The following CEP112 variants were observed in gnomAD, a reference collection of about 807,000 sequenced individuals.
CEP112 encodes centrosomal protein of 112 kDa.
In CEP112, 127 loss-of-function variants were observed where a neutral mutation model predicts 153.0. The ratio of observed to expected loss-of-function variants is 0.83; its 90% CI spans 0.72 to 0.96. The LOEUF is 0.96. Among genes scored for constraint, CEP112 ranks in the 40% least tolerant of loss-of-function variants. CEP112 has a pLI of 0.00. For missense variants in CEP112, 1,089 were observed against 1,101.2 expected (o/e 0.99, Z 0.16); for synonymous variants, 358 against 374.4 (o/e 0.96, Z 0.51).
chr17:65,794,772 G>A (rs903837215), intron 21 of CEP112, among the ~76,000 whole-genome samples: 6 of 152,082 alleles, frequency 3.9e-5, no homozygotes, highest in African/African-American at 1.2e-4. Context: ...GTCAGGAATC[G>A]CACCTGCGGC....
chr17:66,027,416 G>T, intron 16 of CEP112, 85 bp downstream of exon 16: 2 of 1,179,870 alleles, frequency 1.7e-6, no homozygotes, highest in South Asian at 3.2e-5. Context: ...TTAAAGGTGA[G>T]AATGTATGGT....
At position 66,116,797 on chromosome 17, in the gene CEP112, T is replaced by C. The variant is rs562240026; in HGVS notation, c.642+12949A>G. The stretch of plus-strand genomic sequence containing the variant: ...TTTGTTCTGGAACCATACTTTTTAT[T>C]CACTTTTAGAAACTGCCATACCATT... On this transcript the variant is annotated intron_variant, in intron 6 of 26. Coordinates refer to ENST00000535342, the MANE Select transcript of CEP112 (RefSeq NM_001199165.4). Among the ~76,000 whole-genome samples the C allele has an allele frequency of 7.9e-5, 12 of 152,104 alleles. No individual in the cohort carries two copies. In the South Asian group the frequency reaches 1.2e-3, roughly 16 times the overall value.
intron 24 of CEP112, among the ~76,000 whole-genome samples, chr17:65,650,928 T>A (rs577147120): frequency 1.3e-5 from 2 of 151,878 alleles, no homozygotes; most frequent in Non-Finnish European, 1.5e-5. Flanking sequence ...ATATATTTTT[T>A]ATGTATATAT....
intron 24 of CEP112, among the ~76,000 whole-genome samples, chr17:65,681,698 G>A: frequency 7.3e-6 from 1 of 137,468 alleles, no homozygotes; most frequent in African/African-American, 2.9e-5. Flanking sequence ...TTTTGAGACA[G>A]GATCTCTCTC....
At chr17:65,937,556 G>C (rs1244394485) in intron 18 of CEP112, among the ~76,000 whole-genome samples, 2 of 82,218 alleles carry the variant, frequency 2.4e-5, no homozygotes, top group Non-Finnish European at 2.5e-5. Context: ...CGCCCCGTCC[G>C]GGAGGGAGGT....
chr17:65,848,007 G>A (rs868503167), intron 21 of CEP112, among the ~76,000 whole-genome samples: 80 of 152,270 alleles, frequency 5.3e-4, no homozygotes, highest in African/African-American at 1.8e-3. Context: ...CCTGTGCTGC[G>A]TCTGTGCTGG....
At chr17:65,973,870 T>G (rs1157266202) in intron 17 of CEP112, among the ~76,000 whole-genome samples, 1 of 152,226 alleles carries the variant, frequency 6.6e-6, no homozygotes, top group East Asian at 1.9e-4. Flanking sequence ...TGAAACTGTA[T>G]ACTTTAAATA....
intron 23 of CEP112, among the ~76,000 whole-genome samples, chr17:65,735,516 T>C (rs1172692936): frequency 6.6e-6 from 1 of 152,202 alleles, no homozygotes; most frequent in Non-Finnish European, 1.5e-5. Context: ...ATAAACCCAA[T>C]GTAAGTAGAA....
At chr17:66,135,422 A>G (rs1190385819) in intron 4 of CEP112, among the ~76,000 whole-genome samples, 3 of 152,194 alleles carry the variant, frequency 2.0e-5, no homozygotes, top group Non-Finnish European at 4.4e-5. Flanking sequence ...AGTGGGAGAA[A>G]AGTTCAACCT....
chr17:65,874,792 C>T lies in CEP112; in HGVS notation c.2164-22758G>A, dbSNP rs558008294. ...AGATTTGATATCTTCAACTTACTACCCACATTGTAGACAACTATATTACAA... is the reference window on the plus strand; with the variant it reads ...AGATTTGATATCTTCAACTTACTACTCACATTGTAGACAACTATATTACAA... On this transcript the variant is annotated intron_variant, in intron 20 of 26. Transcript: ENST00000535342. Among the ~76,000 whole-genome samples the T allele has an allele frequency of 2.9e-3, 434 of 152,118 alleles. 1 individual carries two copies. Among genetic ancestry groups the T allele is most frequent in the African/African-American group, 1.0e-2 (414 of 41,534 alleles).
intron 21 of CEP112, among the ~76,000 whole-genome samples, chr17:65,772,605 CACACACACACACAG>C (rs748394817): frequency 0.09 from 5,048 of 56,012 alleles, 244 homozygotes; most frequent in African/African-American, 0.32. Context: ...CACACACACA[CACACACACACACAG>C]ACAGCCCCTT....
intron 14 of CEP112, among the ~76,000 whole-genome samples, 172 bp downstream of exon 14, chr17:66,028,951 G>A (rs11079632): frequency 0.41 from 62,471 of 151,976 alleles, 14,312 homozygotes; most frequent in East Asian, 0.87. Flanking sequence ...TAGACATTTC[G>A]AATTTTAAAC....
At chr17:65,686,245 T>C (rs2047784066) in intron 24 of CEP112, among the ~76,000 whole-genome samples, 2 of 151,986 alleles carry the variant, frequency 1.3e-5, no homozygotes, top group Admixed American at 1.3e-4. Flanking sequence ...TGGTAAACTG[T>C]AGCCTAATAG....
intron 21 of CEP112, among the ~76,000 whole-genome samples, chr17:65,842,764 T>C (rs536236892): frequency 6.6e-6 from 1 of 152,282 alleles, no homozygotes; most frequent in Admixed American, 6.5e-5. Flanking sequence ...GGAACATCAA[T>C]TTCTTCTTGT....
chr17:65,849,172 G>C (rs529106707), intron 21 of CEP112, among the ~76,000 whole-genome samples: 1 of 152,164 alleles, frequency 6.6e-6, no homozygotes, highest in Non-Finnish European at 1.5e-5. Context: ...AAACGGTTTT[G>C]TTTGCTCTTG....
intron 21 of CEP112, among the ~76,000 whole-genome samples, chr17:65,817,241 CA>C (rs1415786781): frequency 2.0e-5 from 3 of 151,830 alleles, no homozygotes; most frequent in Non-Finnish European, 4.4e-5. Flanking sequence ...ATTTAACAAA[CA>C]TAGATATTCA....
At chr17:65,901,111 G>A (rs543632851) in intron 20 of CEP112, among the ~76,000 whole-genome samples, 7 of 152,140 alleles carry the variant, frequency 4.6e-5, no homozygotes, top group Non-Finnish European at 7.3e-5. Flanking sequence ...TTAATTAGTA[G>A]TGTGTTTATG....
chr17:65,696,596 A>G (rs954003475), intron 23 of CEP112, among the ~76,000 whole-genome samples: 23 of 152,210 alleles, frequency 1.5e-4, no homozygotes, highest in Non-Finnish European at 2.9e-4. Flanking sequence ...GAAACGCAGA[A>G]AGGGGACTTG....
chr17:65,846,776 A>C (rs1375502910), intron 21 of CEP112, among the ~76,000 whole-genome samples: 1 of 152,056 alleles, frequency 6.6e-6, no homozygotes, highest in Non-Finnish European at 1.5e-5. Flanking sequence ...TCACCGTGTT[A>C]GCCAGGATGG....
Sources: allele counts gnomAD v4.1 joint callset (sites outside exome capture counted in the v4.1 genomes callset), GRCh38; gene constraint gnomAD v4.1.1; transcripts MANE v1.5; gene names NCBI Gene and HGNC (gene_info 2026-07-23, HGNC 2026-07-21).